MCTP1: variants seen among roughly 807,000 people sequenced by gnomAD.
The protein encoded by MCTP1 is multiple C2 and transmembrane domain-containing protein 1.
MCTP1 carries 69 observed loss-of-function variants against 120.6 expected under a neutral mutation model. The observed-to-expected ratio is 0.57, with a 90% CI of 0.47 to 0.70. MCTP1 has a LOEUF of 0.70. MCTP1 is among the 30% of genes least tolerant of loss of function. The pLI is 0.00. For missense variants in MCTP1, 1,203 were observed against 1,248.8 expected (o/e 0.96, Z 0.55); for synonymous variants, 529 against 493.1 (o/e 1.07, Z -0.96).
At chr5:94,769,236 C>G (rs894464986) in intron 19 of MCTP1, among the ~76,000 whole-genome samples, 1 of 151,894 alleles carries the variant, frequency 6.6e-6, no homozygotes, top group Non-Finnish European at 1.5e-5. Flanking sequence ...GGCTGGGAAG[C>G]GGGTGGGGTG....
At chr5:94,742,183 A>G (rs1446829599) in intron 19 of MCTP1, among the ~76,000 whole-genome samples, 5 of 152,164 alleles carry the variant, frequency 3.3e-5, no homozygotes, top group Non-Finnish European at 7.4e-5. Context: ...GCAGAAAGTG[A>G]AAAAGAATGT....
In MCTP1 at chr5:94,706,686, TAACTG is replaced by T. The variant is rs1201849989; in HGVS notation, c.*805_*809del. The T allele has an allele frequency of 6.6e-6, 1 of 151,768 alleles. No individual in the cohort carries two copies. Among genetic ancestry groups the T allele is most frequent in the African/African-American group, 2.4e-5 (1 of 41,376 alleles). 9.4% of individuals were successfully genotyped at this position (151,768 alleles called of 1,614,324 possible). ...GGATATAGTTTCCTAGTATTTTTGA[TAACTG>T]TACTTACTGGGTTGCTAATTTGCTA... On this transcript the variant is annotated 3_prime_UTR_variant, in exon 23 of 23. Coordinates refer to ENST00000515393, the MANE Select transcript of MCTP1 (RefSeq NM_024717.7).
chr5:94,713,189 A>T (rs1052822744), intron 20 of MCTP1, among the ~76,000 whole-genome samples: 10 of 152,036 alleles, frequency 6.6e-5, no homozygotes, highest in African/African-American at 2.4e-4. Flanking sequence ...AGATGCTTTT[A>T]ATTCCATGTG....
chr5:94,758,185 G>T (rs895403413), intron 19 of MCTP1, among the ~76,000 whole-genome samples: 1 of 152,112 alleles, frequency 6.6e-6, no homozygotes, highest in Non-Finnish European at 1.5e-5. Context: ...TTTGTCATAG[G>T]TACTCAAATA....
chr5:94,909,735 TATAACTC>T (rs1807950018), intron 9 of MCTP1, among the ~76,000 whole-genome samples: 1 of 152,248 alleles, frequency 6.6e-6, no homozygotes, highest in Middle Eastern at 3.4e-3. Context: ...TGCATTAAGA[TATAACTC>T]ATAGCCAGTC....
chr5:95,143,728 A>G (rs975059505), intron 1 of MCTP1, among the ~76,000 whole-genome samples: 1 of 152,168 alleles, frequency 6.6e-6, no homozygotes, highest in Non-Finnish European at 1.5e-5. Context: ...GCTGCAAAGG[A>G]CATGATCTTG....
chr5:95,038,480 C>T (rs1216838748), intron 1 of MCTP1, among the ~76,000 whole-genome samples: 1 of 149,808 alleles, frequency 6.7e-6, no homozygotes, highest in East Asian at 2.0e-4. Context: ...GGTGTAGATG[C>T]TCCTCCTCAA....
In MCTP1 at chr5:95,194,170, T is replaced by C. The variant is rs73140100; in HGVS notation, c.720+89686A>G. On this transcript the variant is annotated intron_variant, in intron 1 of 22. Coordinates refer to ENST00000515393, the MANE Select transcript of MCTP1 (RefSeq NM_024717.7). The stretch of plus-strand genomic sequence containing the variant: ...GTCTGAGCCTGCAGTGAGCTATGAT[T>C]GTGCCTGGGCAACAGAGTAAGAGTG... Among the ~76,000 whole-genome samples the C allele has an allele frequency of 2.1e-3, 322 of 151,914 alleles. 4 individuals are homozygous for C. The highest frequency in any genetic ancestry group is 7.5e-3 in the African/African-American group (309 of 41,392).
intron 1 of MCTP1, among the ~76,000 whole-genome samples, chr5:95,114,087 C>T (rs1382290251): frequency 6.6e-6 from 1 of 152,096 alleles, no homozygotes; most frequent in African/African-American, 2.4e-5. Context: ...CTGGCAAGAT[C>T]ATCAACTGCT....
chr5:95,052,172 A>C (rs1746125669), intron 1 of MCTP1, among the ~76,000 whole-genome samples: 1 of 152,220 alleles, frequency 6.6e-6, no homozygotes, highest in Non-Finnish European at 1.5e-5. Context: ...CAGTCTTAGG[A>C]AGTTTTGAAA....
chr5:95,077,902 A>C (rs1288689872), intron 1 of MCTP1, among the ~76,000 whole-genome samples: 1 of 152,180 alleles, frequency 6.6e-6, no homozygotes, highest in Admixed American at 6.5e-5. Flanking sequence ...AATTTAGGAA[A>C]ACTCTTTCAC....
In MCTP1 at chr5:95,060,507, G is replaced by GT. The variant is rs1748669373; in HGVS notation, c.721-43024dup. On this transcript the variant is annotated intron_variant, in intron 1 of 22. Coordinates refer to ENST00000515393, the MANE Select transcript of MCTP1 (RefSeq NM_024717.7). ...TTCTAAACTTGAGAAGATGAAAAAA[G>GT]TTTTTTTAAAAAAGGCCACTTTTGC... Among the ~76,000 whole-genome samples the GT allele has an allele frequency of 2.6e-5, 4 of 152,146 alleles. No homozygotes were observed. In the South Asian group the frequency reaches 6.2e-4, roughly 24 times the overall value.
intron 1 of MCTP1, among the ~76,000 whole-genome samples, chr5:95,113,166 A>T (rs1012802608): frequency 8.5e-5 from 13 of 152,154 alleles, no homozygotes; most frequent in African/African-American, 2.9e-4. Flanking sequence ...ATACTTTGAA[A>T]AAAACATTAA....
At chr5:94,880,862 T>G (rs890236900) in intron 12 of MCTP1, among the ~76,000 whole-genome samples, 8 of 152,144 alleles carry the variant, frequency 5.3e-5, no homozygotes, top group Non-Finnish European at 1.2e-4. Context: ...ATTCTATAAT[T>G]TGCCTTCTGT....
chr5:94,931,902 T>C (rs369301057), intron 6 of MCTP1, 51 bp downstream of exon 6: 29 of 1,353,436 alleles, frequency 2.1e-5, no homozygotes, highest in East Asian at 1.6e-4. Context: ...GGAAAGCAGA[T>C]GATAGTTCTG....
chr5:95,183,548 C>A (rs1477360459), intron 1 of MCTP1, among the ~76,000 whole-genome samples: 1 of 151,906 alleles, frequency 6.6e-6, no homozygotes, highest in Non-Finnish European at 1.5e-5. Flanking sequence ...AAATTTGGAG[C>A]ATGAATTTGA....
intron 1 of MCTP1, among the ~76,000 whole-genome samples, chr5:95,098,295 A>G (rs1317346815): frequency 1.3e-5 from 2 of 152,152 alleles, no homozygotes; most frequent in African/African-American, 4.8e-5. Flanking sequence ...GTTTTTCCCA[A>G]TGATTTAAAC....
At chr5:94,713,693 T>TC (rs755375786) in intron 20 of MCTP1, among the ~76,000 whole-genome samples, 1 of 152,128 alleles carries the variant, frequency 6.6e-6, no homozygotes. Context: ...ACTGAATGTT[T>TC]CCTAAAGGCA....
chr5:95,277,585 A>T (rs539521579), intron 1 of MCTP1, among the ~76,000 whole-genome samples: 1 of 152,320 alleles, frequency 6.6e-6, no homozygotes, highest in East Asian at 1.9e-4. Flanking sequence ...ACTGTTTTAC[A>T]ATGCTGATTC....
Sources: allele counts gnomAD v4.1 joint callset (sites outside exome capture counted in the v4.1 genomes callset), GRCh38; gene constraint gnomAD v4.1.1; transcripts MANE v1.5; gene names NCBI Gene and HGNC (gene_info 2026-07-23, HGNC 2026-07-21).